The following RAD51B variants were observed in gnomAD, a reference collection of about 807,000 sequenced individuals.
The protein encoded by RAD51B is RAD51 paralog B.
In RAD51B, 38 loss-of-function variants were observed where a neutral mutation model predicts 42.2. The observed-to-expected ratio is 0.90, with a 90% CI of 0.70 to 1.18. The LOEUF is 1.18. RAD51B is among the 50% of genes most tolerant of loss of function. The pLI, the probability that RAD51B is intolerant of heterozygous loss-of-function variation, is 0.00. For synonymous variants in RAD51B, 154 were observed against 145.2 expected (o/e 1.06, Z -0.43); for missense variants, 373 against 400.7 (o/e 0.93, Z 0.59).
chr14:68,246,490 AG>A (rs1380498698), intron 7 of RAD51B, among the ~76,000 whole-genome samples: 1 of 152,184 alleles, frequency 6.6e-6, no homozygotes, highest in Non-Finnish European at 1.5e-5. Flanking sequence ...GGGACATTTA[AG>A]AAAAGGGGGC....
intron 7 of RAD51B, among the ~76,000 whole-genome samples, chr14:67,995,648 CTG>C (rs1378112249): frequency 6.7e-6 from 1 of 149,136 alleles, no homozygotes; most frequent in African/African-American, 2.5e-5. Flanking sequence ...GAGTCTCTCT[CTG>C]TCACCCAGGC....
Position 68,179,783 on chromosome 14 carries a change from A to G in RAD51B, c.757-112101A>G, listed in dbSNP as rs149947519. 3.7e-3 allele frequency among the ~76,000 whole-genome samples: 562 copies of G among 152,326 alleles called. 1 individual carries two copies. Among genetic ancestry groups the G allele is most frequent in the Middle Eastern group, 6.8e-3 (2 of 294 alleles). On this transcript the variant is annotated intron_variant, in intron 7 of 10. Coordinates refer to ENST00000471583, the MANE Select transcript of RAD51B (RefSeq NM_133510.4). The stretch of plus-strand genomic sequence containing the variant: ...AGTAAGACTACCATAGAAAGCATGC[A>G]TTAGAATGCTAGGCTATGACATGGG...
At chr14:68,614,864 G>C (rs1311549082), downstream of RAD51B, among the ~76,000 whole-genome samples, 2 of 152,126 alleles carry the variant, frequency 1.3e-5, no homozygotes, top group East Asian at 3.8e-4. Context: ...CAATACTCTT[G>C]GGTACATACC....
chr14:67,962,034 A>G (rs1460313918), intron 7 of RAD51B, among the ~76,000 whole-genome samples: 3 of 152,212 alleles, frequency 2.0e-5, no homozygotes, highest in Non-Finnish European at 2.9e-5. Flanking sequence ...GAGTTTATAT[A>G]GCTAAGGAAG....
intron 7 of RAD51B, among the ~76,000 whole-genome samples, chr14:68,016,041 A>G (rs1035245359): frequency 2.6e-5 from 4 of 152,152 alleles, no homozygotes; most frequent in African/African-American, 9.7e-5. Context: ...ATTTGTTCCT[A>G]TCTTGTCCAT....
At chr14:68,119,682 T>C (rs1219042805) in intron 7 of RAD51B, among the ~76,000 whole-genome samples, 1 of 150,956 alleles carries the variant, frequency 6.6e-6, no homozygotes, top group Non-Finnish European at 1.5e-5. Context: ...TATTCCATGG[T>C]GTATATGTGC....
intron 8 of RAD51B, among the ~76,000 whole-genome samples, chr14:68,401,137 C>T (rs1169319114): frequency 6.6e-6 from 1 of 152,202 alleles, no homozygotes; most frequent in Non-Finnish European, 1.5e-5. Context: ...CAGACTGAAG[C>T]TTTTCGTATA....
At chr14:68,248,451 G>A (rs1454341487) in intron 7 of RAD51B, among the ~76,000 whole-genome samples, 1 of 151,876 alleles carries the variant, frequency 6.6e-6, no homozygotes, top group Non-Finnish European at 1.5e-5. Context: ...GCCACTGTAT[G>A]TGAAGGATCT....
At position 67,926,708 on chromosome 14, in the gene RAD51B, C is replaced by T. The variant is rs1394574447; in HGVS notation, c.756+39504C>T. Among the ~76,000 whole-genome samples, 7 of 151,940 alleles carry T rather than the reference C, an allele frequency of 4.6e-5. No homozygotes were observed. In the East Asian group the frequency reaches 5.8e-4, roughly 13 times the overall value. On this transcript the variant is annotated intron_variant, in intron 7 of 10. Coordinates refer to ENST00000471583, the MANE Select transcript of RAD51B (RefSeq NM_133510.4). The stretch of plus-strand genomic sequence containing the variant: ...CCTCCCAAGTAGCTGGGACAACAGG[C>T]GTGCGCCACCACACCCAGCTAATTT...
chr14:68,411,749 A>C (rs2084427218), intron 9 of RAD51B, among the ~76,000 whole-genome samples: 1 of 152,228 alleles, frequency 6.6e-6, no homozygotes, highest in Non-Finnish European at 1.5e-5. Context: ...GATCCCACAG[A>C]GTCAGCATTT....
At chr14:68,367,719 A>G (rs1238771692) in intron 8 of RAD51B, among the ~76,000 whole-genome samples, 1 of 152,222 alleles carries the variant, frequency 6.6e-6, no homozygotes, top group Non-Finnish European at 1.5e-5. Context: ...CTGGTGATTA[A>G]TCGGCCCAGA....
intron 7 of RAD51B, among the ~76,000 whole-genome samples, chr14:68,228,766 C>G (rs147167294): frequency 6.6e-6 from 1 of 152,172 alleles, no homozygotes; most frequent in Non-Finnish European, 1.5e-5. Flanking sequence ...GGCATTGACC[C>G]GCTGTGTGAC....
At chr14:68,383,231 CA>C (rs1323039132) in intron 8 of RAD51B, among the ~76,000 whole-genome samples, 4 of 152,204 alleles carry the variant, frequency 2.6e-5, no homozygotes, top group African/African-American at 9.7e-5. Context: ...AAGACTCTAA[CA>C]TCCCTCACTG....
intron 10 of RAD51B, among the ~76,000 whole-genome samples, chr14:68,627,739 T>C (rs1892121996): frequency 1.3e-5 from 2 of 152,200 alleles, no homozygotes; most frequent in Non-Finnish European, 2.9e-5. Context: ...ACTCCTAGTC[T>C]ACCCTACTTC....
At chr14:68,638,237 G>T (rs547114223) in intron 10 of RAD51B, among the ~76,000 whole-genome samples, 1 of 152,240 alleles carries the variant, frequency 6.6e-6, no homozygotes, top group Non-Finnish European at 1.5e-5. Context: ...GAGACTGGGG[G>T]ACTGGAGGAG....
rs1220218672 is a variant in RAD51B, at chr14:68,141,501, A to G, written c.757-150383A>G. On this transcript the variant is annotated intron_variant, in intron 7 of 10. Coordinates refer to ENST00000471583, the MANE Select transcript of RAD51B (RefSeq NM_133510.4). ...CAGCTTAATCATGATTGCATCTGCTACAGCACTAGCAAAATGTCCTGCATA... is the reference window on the plus strand; with the variant it reads ...CAGCTTAATCATGATTGCATCTGCTGCAGCACTAGCAAAATGTCCTGCATA... 4.6e-5 allele frequency among the ~76,000 whole-genome samples: 7 copies of G among 152,220 alleles called. No homozygotes were observed. In the East Asian group the frequency reaches 1.3e-3, roughly 29 times the overall value.
chr14:68,530,218 A>G (rs1272304484), intron 10 of RAD51B, among the ~76,000 whole-genome samples: 9 of 152,004 alleles, frequency 5.9e-5, no homozygotes, highest in African/African-American at 1.9e-4. Flanking sequence ...CAGAGGCAGG[A>G]GGATCTCTTG....
intron 10 of RAD51B, among the ~76,000 whole-genome samples, chr14:68,559,580 A>G (rs929450656): frequency 6.6e-6 from 1 of 151,916 alleles, no homozygotes; most frequent in Non-Finnish European, 1.5e-5. Context: ...GAGTGTCACC[A>G]TGTTGGCCAG....
At chr14:67,899,981 A>G (rs2043554735) in intron 7 of RAD51B, among the ~76,000 whole-genome samples, 1 of 152,196 alleles carries the variant, frequency 6.6e-6, no homozygotes, top group African/African-American at 2.4e-5. Flanking sequence ...AGTAGTCAAA[A>G]TTATTCTATT....
Sources: gnomAD v4.1 joint callset for allele counts (sites outside exome capture counted in the v4.1 genomes callset) on GRCh38, gnomAD v4.1.1 for gene constraint, MANE v1.5 for transcripts, NCBI Gene and HGNC (gene_info 2026-07-23, HGNC 2026-07-21) for gene names.